Variants in TNRC6A observed in about 807,000 individuals in gnomAD.
The protein encoded by TNRC6A is trinucleotide repeat containing adaptor 6A.
TNRC6A carries 44 observed loss-of-function variants against 221.2 expected under a neutral mutation model. That is an observed-to-expected ratio of 0.20 (90% CI 0.16 to 0.26). The LOEUF (loss-of-function observed/expected upper bound fraction) is 0.26, where lower values mean the gene tolerates loss of function less well. Among genes scored for constraint, TNRC6A ranks in the 10% least tolerant of loss-of-function variants. The pLI, the probability that TNRC6A is intolerant of heterozygous loss-of-function variation, is 1.00. For synonymous variants in TNRC6A, 847 were observed against 838.5 expected (o/e 1.01, Z -0.18); for missense variants, 2,199 against 2,404.4 (o/e 0.91, Z 1.79).
At chr16:24,664,903 G>A (rs1326624522) in intron 2 of TNRC6A, 2 of 455,864 alleles carry the variant, frequency 4.4e-6, no homozygotes, top group Non-Finnish European at 8.8e-6. Context: ...CAGGGTGGTG[G>A]AGAACGGAAG....
intron 2 of TNRC6A, among the ~76,000 whole-genome samples, chr16:24,718,455 T>C (rs1316892411): frequency 1.3e-5 from 2 of 152,118 alleles, no homozygotes; most frequent in Non-Finnish European, 2.9e-5. Flanking sequence ...GTAGACATAA[T>C]AGGAGAGGAC....
At chr16:24,625,960 T>C (rs1365790383) in intron 1 of TNRC6A, among the ~76,000 whole-genome samples, 2 of 152,156 alleles carry the variant, frequency 1.3e-5, no homozygotes, top group Non-Finnish European at 2.9e-5. Flanking sequence ...TCTGACCCCA[T>C]CTAAGAGATT....
chr16:24,641,957 AT>A (rs1221011803), intron 2 of TNRC6A, among the ~76,000 whole-genome samples: 1 of 152,248 alleles, frequency 6.6e-6, no homozygotes, highest in Non-Finnish European at 1.5e-5. Flanking sequence ...AAAATTCTCA[AT>A]TGACACGGTA....
intron 4 of TNRC6A, among the ~76,000 whole-genome samples, chr16:24,771,164 C>T (rs1340983163): frequency 6.6e-6 from 1 of 152,046 alleles, no homozygotes; most frequent in African/African-American, 2.4e-5. Flanking sequence ...TATGTATGTT[C>T]GTATGTAATA....
At chr16:24,716,897 C>T (rs1409169236) in intron 2 of TNRC6A, among the ~76,000 whole-genome samples, 2 of 135,182 alleles carry the variant, frequency 1.5e-5, no homozygotes, top group African/African-American at 5.4e-5. Context: ...GCAGAGGTTG[C>T]GGTGAGCCAA....
At chr16:24,713,132 A>T (rs1596533750) in intron 2 of TNRC6A, among the ~76,000 whole-genome samples, 1 of 152,074 alleles carries the variant, frequency 6.6e-6, no homozygotes, top group African/African-American at 2.4e-5. Flanking sequence ...GTAATAAAAA[A>T]TCTCAGCTGG....
chr16:24,629,410 TC>T (rs1901215491), intron 1 of TNRC6A, among the ~76,000 whole-genome samples: 1 of 152,198 alleles, frequency 6.6e-6, no homozygotes, highest in Admixed American at 6.5e-5. Context: ...TTTTAAACAT[TC>T]AGTTTCAGCC....
chr16:24,677,927 G>A (rs778386837), intron 2 of TNRC6A, among the ~76,000 whole-genome samples: 2 of 152,160 alleles, frequency 1.3e-5, no homozygotes, highest in Non-Finnish European at 2.9e-5. Flanking sequence ...GATGGTGCCA[G>A]GGATTCTTGC....
chr16:24,800,655 G>C lies in TNRC6A; in HGVS notation c.3694+2689G>C, dbSNP rs187649722. Among the ~76,000 whole-genome samples, 11 of 152,340 alleles carry C rather than the reference G, an allele frequency of 7.2e-5. No homozygotes were observed. The East Asian group carries it at 2.1e-3, about 29-fold the overall frequency. ...ATGGCACGGAAGTTGCTATGATGTC[G>C]TGCTGGTGGAACCTGTGGGAAATCT... On this transcript the variant is annotated intron_variant, in intron 11 of 24. Coordinates refer to ENST00000395799, the MANE Select transcript of TNRC6A (RefSeq NM_014494.4).
upstream of TNRC6A, among the ~76,000 whole-genome samples, chr16:24,727,715 T>C (rs1196470503): frequency 6.6e-6 from 1 of 152,210 alleles, no homozygotes; most frequent in Non-Finnish European, 1.5e-5. Flanking sequence ...CTAAACCTGG[T>C]ATGAAAGCAT....
intron 4 of TNRC6A, among the ~76,000 whole-genome samples, chr16:24,765,334 A>G (rs1417825045): frequency 6.6e-6 from 1 of 152,190 alleles, no homozygotes; most frequent in Non-Finnish European, 1.5e-5. Flanking sequence ...CAGGGCCATT[A>G]GGGTAAACAG....
chr16:24,795,725 A>T, intron 8 of TNRC6A, 182 bp from the exon 9 acceptor site: 1 of 487,810 alleles, frequency 2.0e-6, no homozygotes, highest in African/African-American at 2.0e-5. Context: ...AAGTCATTTG[A>T]TCCTCACAAC....
upstream of TNRC6A, among the ~76,000 whole-genome samples, chr16:24,728,727 GGTAT>G (rs1033509751): frequency 2.6e-5 from 4 of 152,192 alleles, no homozygotes; most frequent in South Asian, 2.1e-4. Flanking sequence ...TCTACATGTA[GGTAT>G]GTATGTATAC....
intron 2 of TNRC6A, among the ~76,000 whole-genome samples, chr16:24,677,587 A>G (rs1290460644): frequency 6.6e-6 from 1 of 152,146 alleles, no homozygotes; most frequent in Non-Finnish European, 1.5e-5. Flanking sequence ...TCAGTCACAG[A>G]CCATGTGAGT....
upstream of TNRC6A, among the ~76,000 whole-genome samples, chr16:24,726,251 T>C (rs2056489546): frequency 6.6e-6 from 1 of 150,700 alleles, no homozygotes; most frequent in South Asian, 2.1e-4. Flanking sequence ...TTACCCATCC[T>C]AAAGGGAGAG....
intron 4 of TNRC6A, among the ~76,000 whole-genome samples, chr16:24,767,998 A>G (rs947160283): frequency 1.3e-5 from 2 of 152,224 alleles, no homozygotes; most frequent in Admixed American, 6.5e-5. Flanking sequence ...TTTTAAATAT[A>G]TGGATTCTGA....
At position 24,729,765 on chromosome 16, in the gene TNRC6A, T is replaced by G; in HGVS notation, c.-77T>G. ...GCGCTGGTGCAGCGGCTCGGGCCTC[T>G]CCCCGCGGCGCTGCGGAGGGCTTGA... On this transcript the variant is annotated 5_prime_UTR_variant, in exon 1 of 25. Coordinates refer to ENST00000395799, the MANE Select transcript of TNRC6A (RefSeq NM_014494.4). 1 of 1,358,210 alleles carries G rather than the reference T, an allele frequency of 7.4e-7. No homozygotes were observed. Among genetic ancestry groups the G allele is most frequent in the Non-Finnish European group, 9.5e-7 (1 of 1,053,148 alleles). The allele number at this position is 1,358,210 out of a possible 1,614,324, so 84.1% of individuals were successfully genotyped here.
chr16:24,815,493 T>C, intron 19 of TNRC6A, 188 bp downstream of exon 19: 1 of 651,452 alleles, frequency 1.5e-6, no homozygotes, highest in East Asian at 2.8e-5. Flanking sequence ...TGTCAGCCTG[T>C]TACCTATGCC....
At chr16:24,782,908 G>A (rs2057883170) in intron 5 of TNRC6A, among the ~76,000 whole-genome samples, 1 of 152,030 alleles carries the variant, frequency 6.6e-6, no homozygotes, top group African/African-American at 2.4e-5. Context: ...TACATCTAAG[G>A]TTCTCTCGTA....
Sources: gnomAD v4.1 joint callset for allele counts (sites outside exome capture counted in the v4.1 genomes callset) on GRCh38, gnomAD v4.1.1 for gene constraint, MANE v1.5 for transcripts, NCBI Gene and HGNC (gene_info 2026-07-23, HGNC 2026-07-21) for gene names.